Variants in TK1 observed in about 807,000 individuals in gnomAD.
The protein encoded by TK1 is thymidine kinase, cytosolic.
Under a neutral mutation model 22.4 loss-of-function variants are expected in TK1, and 13 were observed. The ratio of observed to expected loss-of-function variants is 0.58; its 90% CI spans 0.38 to 0.92. The LOEUF (loss-of-function observed/expected upper bound fraction) is 0.92, where lower values mean the gene tolerates loss of function less well. Ranked by LOEUF, TK1 falls within the 40% of genes least tolerant of loss-of-function variation. The pLI is 0.00. For missense variants in TK1, 251 were observed against 315.7 expected (o/e 0.80, Z 1.55); for synonymous variants, 134 against 125.4 (o/e 1.07, Z -0.46).
chr17:78,181,081 C>T (rs2075734338), intron 4 of TK1, among the ~76,000 whole-genome samples: 1 of 151,860 alleles, frequency 6.6e-6, no homozygotes, highest in African/African-American at 2.4e-5. Flanking sequence ...AACCCCATCT[C>T]TATTAAAAAT....
rs1157481348 is a variant in TK1, at chr17:78,185,097, G to A, written c.167C>T (p.Ala56Val). The change falls in exon 3 of 7, where the codon GCC becomes GTC. Residue 56 changes from alanine (A) to valine (V), a missense_variant. Physicochemically the swap from Ala to Val is moderately conservative, Grantham distance 64 (BLOSUM62 0). Coordinates refer to ENST00000301634, the MANE Select transcript of TK1 (RefSeq NM_003258.5). ...AQYKCLVIKYAKDTRYSSSFC... is the reference protein window; with the variant it reads ...AQYKCLVIKYVKDTRYSSSFC... ...GCTGCTGCTGTAGCGAGTGTCTTTG[G>A]CATACTTGATCACCAGGCACTTGTA... 2 of 1,612,022 alleles carry A rather than the reference G, an allele frequency of 1.2e-6. No individual in the cohort carries two copies.
chr17:78,179,467 C>T, intron 4 of TK1: 3 of 985,466 alleles, frequency 3.0e-6, no homozygotes, highest in Non-Finnish European at 3.6e-6. Flanking sequence ...GAGATGCCAG[C>T]TGCCGGGTGG....
At chr17:78,183,337 T>G (rs1434298202) in intron 3 of TK1, among the ~76,000 whole-genome samples, 1 of 152,146 alleles carries the variant, frequency 6.6e-6, no homozygotes, top group East Asian at 1.9e-4. Flanking sequence ...GAAGAATGAA[T>G]AACTAGAACT....
Position 78,186,797 on chromosome 17 carries a change from A to T in TK1, c.88T>A (p.Ser30Thr). The T allele has an allele frequency of 6.3e-7, 1 of 1,586,960 alleles. No individual in the cohort carries two copies. The highest frequency in any genetic ancestry group is 8.6e-7 in the Non-Finnish European group (1 of 1,167,058). ...CCGCGAAGCCATTACCTTTTTCCTG[A>T]GAACATCGGCCCGAGAATCACCTAG... The part of the protein sequence containing the change: ...QIQVILGPMF[S>T]GKSTELMRRV... Residue 30 changes from serine (S) to threonine (T), a missense_variant, in exon 2 of 7, where the codon TCA becomes ACA. Coordinates refer to ENST00000301634, the MANE Select transcript of TK1 (RefSeq NM_003258.5).
At chr17:78,184,088 C>T (rs964819168) in intron 3 of TK1, among the ~76,000 whole-genome samples, 1 of 152,246 alleles carries the variant, frequency 6.6e-6, no homozygotes, top group Non-Finnish European at 1.5e-5. Context: ...CACCCTGTGC[C>T]GTGGACATCG....
At chr17:78,175,700 G>A in intron 4 of TK1, 82 bp from the exon 5 acceptor site, 1 of 1,272,586 alleles carries the variant, frequency 7.9e-7, no homozygotes, top group South Asian at 1.3e-5. Context: ...GACGCTGCCA[G>A]ATCTGACAAC....
At chr17:78,177,453 A>G (rs1029357178) in intron 4 of TK1, among the ~76,000 whole-genome samples, 1 of 152,234 alleles carries the variant, frequency 6.6e-6, no homozygotes, top group East Asian at 1.9e-4. Context: ...GTCTCATTAT[A>G]TTATGAACAT....
At position 78,179,128 on chromosome 17, in the gene TK1, T is replaced by G. The variant is rs2075721357; in HGVS notation, c.303+3461A>C. Reference sequence around the variant, plus strand: ...CTGGGTCAGCCTCTGTCAACAAGGTTTACGCAGAGCCAGGAGAACAGAGCT... The same window carrying G: ...CTGGGTCAGCCTCTGTCAACAAGGTGTACGCAGAGCCAGGAGAACAGAGCT... On this transcript the variant is annotated intron_variant, in intron 4 of 6. Transcript: ENST00000301634. 1.0e-5 allele frequency: 10 copies of G among 982,738 alleles called. 1 individual carries two copies. The South Asian group carries it at 4.7e-4, about 46-fold the overall frequency. 60.9% of individuals were successfully genotyped at this position (982,738 alleles called of 1,614,324 possible).
In TK1 at chr17:78,179,712, G is replaced by A; in HGVS notation, c.303+2877C>T. 5.1e-6 allele frequency: 5 copies of A among 985,470 alleles called. No homozygotes were observed. The South Asian group carries it at 2.3e-4, about 46-fold the overall frequency. The allele number at this position is 985,470 out of a possible 1,614,324, so 61.0% of individuals were successfully genotyped here. A position where few individuals can be genotyped will look rare whatever the true frequency, so the allele number is the denominator to read the frequency against. On this transcript the variant is annotated intron_variant, in intron 4 of 6. Transcript: ENST00000301634. ...GCCTGGCTCTGTGCTGGGAGGCAGG[G>A]CGGGTAGAGACCTCGAAGCACTCAC...
rs2075810383 is a variant in TK1, at chr17:78,186,982, T to G, written c.13A>C (p.Asn5His). The G allele has an allele frequency of 6.3e-7, 1 of 1,581,856 alleles. No individual in the cohort carries two copies. Among genetic ancestry groups the G allele is most frequent in the African/African-American group, 1.4e-5 (1 of 73,996 alleles). ...GAGCCAGGCAGCACAGTGGGCAGGT[T>G]AATGCAGCTCATTGCGCCTCCGGGA... MSCI[N>H]LPTVLPGSPS... Residue 5 changes from asparagine (N) to histidine (H), a missense_variant, in exon 1 of 7, where the codon AAC becomes CAC. Asn to His is a moderately conservative substitution (Grantham distance 68, BLOSUM62 1). Coordinates refer to ENST00000301634, the MANE Select transcript of TK1 (RefSeq NM_003258.5).
chr17:78,177,666 T>C (rs529739240), intron 4 of TK1, among the ~76,000 whole-genome samples: 2 of 144,876 alleles, frequency 1.4e-5, no homozygotes, highest in African/African-American at 2.6e-5. Flanking sequence ...CTCCGCCTCC[T>C]GGGTTCACGC....
In TK1 at chr17:78,179,450, C is replaced by T. The variant is rs186563980; in HGVS notation, c.303+3139G>A. ...CAGAAACGGAATGGCCATACCCAAG[C>T]GGGGAGGAGATGCCAGCTGCCGGGT... On this transcript the variant is annotated intron_variant, in intron 4 of 6. Transcript: ENST00000301634. 7.7e-5 allele frequency: 76 copies of T among 985,412 alleles called. No individual in the cohort carries two copies. The African/African-American group carries it at 1.3e-3, about 16-fold the overall frequency. The allele number at this position is 985,412 out of a possible 1,614,324, so 61.0% of individuals were successfully genotyped here. A position where few individuals can be genotyped will look rare whatever the true frequency, so the allele number is the denominator to read the frequency against.
chr17:78,179,976 C>T (rs1232979665), intron 4 of TK1, among the ~76,000 whole-genome samples: 1 of 152,134 alleles, frequency 6.6e-6, no homozygotes, highest in Admixed American at 6.5e-5. Context: ...GAGGCTGAGG[C>T]GGGAGAATCA....
chr17:78,176,344 G>A (rs1426948402), intron 4 of TK1, among the ~76,000 whole-genome samples: 1 of 152,176 alleles, frequency 6.6e-6, no homozygotes, highest in Non-Finnish European at 1.5e-5. Flanking sequence ...GAGTTCATAT[G>A]TCCAGACTGG....
intron 2 of TK1, among the ~76,000 whole-genome samples, chr17:78,185,464 G>A (rs1194437191): frequency 6.6e-6 from 1 of 152,164 alleles, no homozygotes; most frequent in Non-Finnish European, 1.5e-5. Context: ...TACATGTAGA[G>A]GGAACCTGCG....
At chr17:78,186,201 G>A (rs1393091767) in intron 2 of TK1, among the ~76,000 whole-genome samples, 1 of 151,996 alleles carries the variant, frequency 6.6e-6, no homozygotes, top group African/African-American at 2.4e-5. Context: ...CCAGGAGTTT[G>A]AGACCAGCCT....
At chr17:78,181,500 T>C (rs1365604414) in intron 4 of TK1, among the ~76,000 whole-genome samples, 3 of 148,700 alleles carry the variant, frequency 2.0e-5, no homozygotes, top group Non-Finnish European at 4.4e-5. Context: ...ATCACGCCAT[T>C]GCACTCCAGC....
Position 78,174,432 on chromosome 17 carries a change from A to C in TK1, c.*327T>G. The C allele has an allele frequency of 3.2e-6, 1 of 312,940 alleles. No individual in the cohort carries two copies. Among genetic ancestry groups the C allele is most frequent in the Non-Finnish European group, 5.9e-6 (1 of 168,268 alleles). 19.4% of individuals were successfully genotyped at this position (312,940 alleles called of 1,614,324 possible). On this transcript the variant is annotated 3_prime_UTR_variant, in exon 7 of 7. Coordinates refer to ENST00000301634, the MANE Select transcript of TK1 (RefSeq NM_003258.5). ...TCAGCAGTGAAAGCCGCAGAGGGGA[A>C]GAAGCAGGCTGATGTCAACAGCGTG...
intron 4 of TK1, chr17:78,179,714 G>A (rs897158908): frequency 1.8e-5 from 18 of 985,322 alleles, no homozygotes; most frequent in African/African-American, 5.2e-5. Context: ...GAGGCAGGGC[G>A]GGTAGAGACC....
Sources: allele counts gnomAD v4.1 joint callset (sites outside exome capture counted in the v4.1 genomes callset), GRCh38; gene constraint gnomAD v4.1.1; transcripts MANE v1.5; gene names NCBI Gene and HGNC (gene_info 2026-07-23, HGNC 2026-07-21).